MACF1: variants seen among roughly 807,000 people sequenced by gnomAD.
MACF1 encodes microtubule actin crosslinking factor 1.
In MACF1, 193 loss-of-function variants were observed where a neutral mutation model predicts 854.8. The observed-to-expected ratio is 0.23, with a 90% confidence interval of 0.20 to 0.25. The LOEUF is 0.25. Ranked by LOEUF, MACF1 falls within the 10% of genes least tolerant of loss-of-function variation. MACF1 has a pLI of 1.00. For synonymous variants in MACF1, 3,185 were observed against 3,226.7 expected (o/e 0.99, Z 0.44); for missense variants, 7,722 against 8,929.1 (o/e 0.86, Z 5.45).
At chr1:39,439,212 A>C in intron 71 of MACF1, 62 bp from the exon 72 acceptor site, 1 of 942,380 alleles carries the variant, frequency 1.1e-6, no homozygotes, top group South Asian at 1.5e-5. Context: ...GGAATTTCTG[A>C]ATAGACCAAT....
chr1:39,161,027 A>G (rs12093724), intron 2 of MACF1, among the ~76,000 whole-genome samples: 54 of 152,146 alleles, frequency 3.5e-4, no homozygotes, highest in African/African-American at 1.3e-3. Flanking sequence ...GAATAGAGAC[A>G]TTGTACAAGT....
intron 2 of MACF1, among the ~76,000 whole-genome samples, chr1:39,182,160 A>G (rs888554711): frequency 6.6e-6 from 1 of 151,904 alleles, no homozygotes; most frequent in Non-Finnish European, 1.5e-5. Flanking sequence ...TAAAAAAAAA[A>G]AAAAAAAGAA....
chr1:39,405,991 G>A (rs530179706), intron 58 of MACF1, among the ~76,000 whole-genome samples: 2 of 152,230 alleles, frequency 1.3e-5, no homozygotes, highest in South Asian at 4.1e-4. Flanking sequence ...CTAAACTAAG[G>A]AGAAACTCAT....
At chr1:39,266,594 CTTTTTTTT>C (rs11406070) in intron 6 of MACF1, among the ~76,000 whole-genome samples, 91 of 58,124 alleles carry the variant, frequency 1.6e-3, no homozygotes, top group Admixed American at 5.7e-3. Flanking sequence ...TGGTCTTTTC[CTTTTTTTT>C]TTTTTTTTTT....
intron 70 of MACF1, among the ~76,000 whole-genome samples, chr1:39,437,372 G>A (rs2148659676): frequency 6.6e-6 from 1 of 151,066 alleles, no homozygotes; most frequent in Non-Finnish European, 1.5e-5. Flanking sequence ...GTGCAGTGGT[G>A]CTATCTCAGC....
At chr1:39,374,533 T>C (rs1192396888) in intron 52 of MACF1, among the ~76,000 whole-genome samples, 1 of 152,232 alleles carries the variant, frequency 6.6e-6, no homozygotes, top group Admixed American at 6.5e-5. Context: ...AGCAAACTTT[T>C]TCTATAAAGG....
At chr1:39,202,257 C>G (rs1179868932), upstream of MACF1, among the ~76,000 whole-genome samples, 2 of 150,628 alleles carry the variant, frequency 1.3e-5, no homozygotes, top group Non-Finnish European at 3.0e-5. Context: ...TGAGCCACCA[C>G]GCCCGGCCTC....
At chr1:39,322,754 C>T (rs747318759) in intron 32 of MACF1, 39 bp downstream of exon 32, 16 of 1,598,778 alleles carry the variant, frequency 1.0e-5, no homozygotes, top group Non-Finnish European at 1.4e-5. Flanking sequence ...ACTGTCTTCC[C>T]TTAAGGAAAG....
intron 71 of MACF1, 102 bp from the exon 72 acceptor site, chr1:39,439,172 A>T: frequency 1.7e-6 from 1 of 578,796 alleles, no homozygotes. Context: ...TTTTTAAAAA[A>T]TAGTTTCATT....
chr1:39,129,117 G>A (rs1296774202), intron 2 of MACF1, among the ~76,000 whole-genome samples: 4 of 152,122 alleles, frequency 2.6e-5, no homozygotes, highest in Admixed American at 6.5e-5. Context: ...GCTTAGAGCC[G>A]GAAGCCTAAG....
intron 23 of MACF1, among the ~76,000 whole-genome samples, chr1:39,307,901 CTTTTTTTTTTTTTT>C (rs34930273): frequency 6.0e-5 from 3 of 50,392 alleles, no homozygotes; most frequent in Non-Finnish European, 1.1e-4. Context: ...TTCTTTCTTT[CTTTTTTTTTTTTTT>C]TTTTTTTGAG....
At position 39,297,574 on chromosome 1, in the gene MACF1, T is replaced by C. The variant is rs1394080076; in HGVS notation, c.2356-46T>C. On this transcript the variant is annotated intron_variant, in intron 20 of 100. Coordinates refer to ENST00000564288, the MANE Select transcript of MACF1 (RefSeq NM_001394062.1). Reference sequence around the variant, plus strand: ...TTCTTTCTTAGTTAATATTCCGGTGTTCTAATGTTTTGAGCAGAAGGCATC... The same window carrying C: ...TTCTTTCTTAGTTAATATTCCGGTGCTCTAATGTTTTGAGCAGAAGGCATC... 2.5e-6 allele frequency: 4 copies of C among 1,611,590 alleles called. No homozygotes were observed. The East Asian group carries it at 6.7e-5, about 27-fold the overall frequency.
chr1:39,114,996 A>G (rs1243768919), intron 2 of MACF1, among the ~76,000 whole-genome samples: 1 of 152,178 alleles, frequency 6.6e-6, no homozygotes, highest in Non-Finnish European at 1.5e-5. Context: ...TTGGGCATTG[A>G]TAAGGTTGGA....
intron 6 of MACF1, among the ~76,000 whole-genome samples, chr1:39,266,724 G>A (rs1645237651): frequency 7.1e-6 from 1 of 141,542 alleles, no homozygotes; most frequent in Non-Finnish European, 1.5e-5. Flanking sequence ...GGATCCTTTT[G>A]TTGTAGAATA....
chr1:39,309,488 C>T lies in MACF1; in HGVS notation c.2790-82C>T, dbSNP rs1439624674. On this transcript the variant is annotated intron_variant, in intron 23 of 100. Transcript: ENST00000564288. Reference sequence around the variant, plus strand: ...ACATATAAGCTCAATTCTGCTAAGGCAATCACATTTTTCCTTAGAAGGTCT... The same window carrying T: ...ACATATAAGCTCAATTCTGCTAAGGTAATCACATTTTTCCTTAGAAGGTCT... 7.3e-6 allele frequency: 11 copies of T among 1,515,874 alleles called. 1 individual carries two copies. In the East Asian group the frequency reaches 1.1e-4, roughly 16 times the overall value. 93.9% of individuals were successfully genotyped at this position (1,515,874 alleles called of 1,614,324 possible).
In MACF1 at chr1:39,448,619, A is replaced by G. The variant is rs755452093; in HGVS notation, c.20114A>G (p.Lys6705Arg). 1.9e-6 allele frequency: 3 copies of G among 1,577,412 alleles called. No homozygotes were observed. In the Admixed American group the frequency reaches 5.4e-5, roughly 28 times the overall value. ...HKEFQKTLGGKQPVYDTTIRT... is the reference protein window; with the variant it reads ...HKEFQKTLGGRQPVYDTTIRT... Reference sequence around the variant, plus strand: ...GAGTTTCAGAAGACTCTTGGTGGCAAGCAGCCTGTGTATGATACCACAATT... The same window carrying G: ...GAGTTTCAGAAGACTCTTGGTGGCAGGCAGCCTGTGTATGATACCACAATT... The change falls in exon 84 of 101, where the codon AAG (lysine) becomes AGG (arginine). Residue 6705 changes from lysine (K) to arginine (R), a missense_variant. Lys to Arg is a conservative substitution (Grantham distance 26). Coordinates refer to ENST00000564288, the MANE Select transcript of MACF1 (RefSeq NM_001394062.1).
intron 18 of MACF1, 99 bp downstream of exon 18, chr1:39,293,718 T>C (rs751914684): frequency 1.0e-4 from 124 of 1,184,398 alleles, no homozygotes; most frequent in Non-Finnish European, 1.4e-4. Flanking sequence ...GGAGTTGCAC[T>C]CTGCTAGATA....
At chr1:39,482,815 AC>A (rs369140254) in intron 99 of MACF1, among the ~76,000 whole-genome samples, 18,871 of 89,896 alleles carry the variant, frequency 0.21, 4,603 homozygotes, top group East Asian at 0.38. Context: ...AAAAAAAAAA[AC>A]CCCACACAGA....
In MACF1 at chr1:39,388,288, G is replaced by C; in HGVS notation, c.15446G>C (p.Gly5149Ala). 6.2e-7 allele frequency: 1 copy of C among 1,614,226 alleles called. No individual in the cohort carries two copies. The highest frequency in any genetic ancestry group is 8.5e-7 in the Non-Finnish European group (1 of 1,180,044). ...GAGCTAGATGGCATGGGTGCTATTG[G>C]CAGAGACACTGATAGCCTCCAGTCC... ...DDELDGMGAI[G>A]RDTDSLQSQI... is the part of the protein sequence containing the mutation. The change falls in exon 58 of 101, where the codon GGC (glycine) becomes GCC (alanine). Residue 5149 changes from glycine (G) to alanine (A), a missense_variant. This residue lies in a region of MACF1 where 2,807 missense variants were observed against 3,235.8 expected (regional missense o/e 0.87). Coordinates refer to ENST00000564288, the MANE Select transcript of MACF1 (RefSeq NM_001394062.1).
Sources: gnomAD v4.1 joint callset for allele counts (sites outside exome capture counted in the v4.1 genomes callset) on GRCh38, gnomAD v4.1.1 for gene constraint, gnomAD v4.1.1 regional missense constraint, MANE v1.5 for transcripts, NCBI Gene and HGNC (gene_info 2026-07-23, HGNC 2026-07-21) for gene names.